The following PLXDC2 variants were observed in gnomAD, a reference collection of about 807,000 sequenced individuals.
PLXDC2 encodes plexin domain containing 2, also known as plexin domain-containing protein 2.
In PLXDC2, 40 loss-of-function variants were observed where a neutral mutation model predicts 68.9. The ratio of observed to expected loss-of-function variants is 0.58; its 90% confidence interval spans 0.45 to 0.76. PLXDC2 has a LOEUF of 0.76. Ranked by LOEUF, PLXDC2 falls within the 30% of genes least tolerant of loss-of-function variation. The pLI, the probability that PLXDC2 is intolerant of heterozygous loss-of-function variation, is 0.00. For missense variants in PLXDC2, 644 were observed against 661.9 expected (o/e 0.97, Z 0.30); for synonymous variants, 243 against 234.2 (o/e 1.04, Z -0.34).
At chr10:20,159,884 A>G (rs188493088) in intron 6 of PLXDC2, among the ~76,000 whole-genome samples, 3 of 152,250 alleles carry the variant, frequency 2.0e-5, no homozygotes, top group Admixed American at 6.5e-5. Context: ...TCACCTTCTC[A>G]GAGAGAGCTT....
chr10:19,883,393 A>T (rs1564618400), intron 1 of PLXDC2, among the ~76,000 whole-genome samples: 1 of 152,098 alleles, frequency 6.6e-6, no homozygotes, highest in Non-Finnish European at 1.5e-5. Context: ...TCAAAACTCC[A>T]CCCTCTTCTT....
At chr10:20,014,961 T>C (rs1378026093) in intron 2 of PLXDC2, among the ~76,000 whole-genome samples, 1 of 152,200 alleles carries the variant, frequency 6.6e-6, no homozygotes, top group African/African-American at 2.4e-5. Flanking sequence ...GTGGCACTGT[T>C]CCTCCTGATT....
intron 12 of PLXDC2, among the ~76,000 whole-genome samples, chr10:20,239,297 C>T (rs984651356): frequency 1.3e-5 from 2 of 152,100 alleles, no homozygotes; most frequent in Non-Finnish European, 2.9e-5. Flanking sequence ...TTAATATTCC[C>T]CTAAAGCCTA....
At chr10:19,898,381 C>T (rs932421237) in intron 1 of PLXDC2, among the ~76,000 whole-genome samples, 9 of 152,128 alleles carry the variant, frequency 5.9e-5, no homozygotes, top group Non-Finnish European at 1.2e-4. Context: ...TTCTCTTTCT[C>T]GCGCTGCACT....
intron 1 of PLXDC2, among the ~76,000 whole-genome samples, chr10:19,994,527 A>T (rs544869084): frequency 8.6e-5 from 13 of 151,560 alleles, no homozygotes; most frequent in African/African-American, 3.1e-4. Flanking sequence ...TTTTGCAGTT[A>T]TAGTAGAGAT....
chr10:20,016,378 A>G lies in PLXDC2; in HGVS notation c.324+14392A>G, dbSNP rs528591782. On this transcript the variant is annotated intron_variant, in intron 2 of 13. Coordinates refer to ENST00000377252, the MANE Select transcript of PLXDC2 (RefSeq NM_032812.9). ...AGTAAAACGGAGTCCATGTGACAAG[A>G]AGTAGAACTAGGTTGCTAACAAAAG... 3.3e-5 allele frequency among the ~76,000 whole-genome samples: 5 copies of G among 152,340 alleles called. No individual in the cohort carries two copies. The South Asian group carries it at 1.0e-3, about 32-fold the overall frequency.
At chr10:20,226,097 C>T (rs1412180721) in intron 12 of PLXDC2, among the ~76,000 whole-genome samples, 1 of 152,164 alleles carries the variant, frequency 6.6e-6, no homozygotes, top group Non-Finnish European at 1.5e-5. Flanking sequence ...CTGAAACTAC[C>T]TATTGGTCCA....
At chr10:20,230,545 A>C (rs1456331920) in intron 12 of PLXDC2, among the ~76,000 whole-genome samples, 2 of 151,438 alleles carry the variant, frequency 1.3e-5, no homozygotes, top group Non-Finnish European at 3.0e-5. Flanking sequence ...GGTGGCGTGC[A>C]CTTGTAGTCC....
At chr10:19,880,919 T>C (rs1312257121) in intron 1 of PLXDC2, among the ~76,000 whole-genome samples, 1 of 152,210 alleles carries the variant, frequency 6.6e-6, no homozygotes, top group Non-Finnish European at 1.5e-5. Context: ...TTATCAATTA[T>C]CTCATTTTAA....
intron 1 of PLXDC2, among the ~76,000 whole-genome samples, chr10:19,909,231 T>G (rs912439309): frequency 2.0e-5 from 3 of 152,150 alleles, no homozygotes; most frequent in Admixed American, 1.3e-4. Context: ...TGGTAAATAT[T>G]GTGTGACAAT....
Position 20,217,434 on chromosome 10 carries a change from G to GATGTGTGAGATCTCACAA in PLXDC2, c.1132_1133insTGTGTGAGATCTCACAAA (p.Glu377_Lys378insMetCysGluIleSerGln). On this transcript the variant is annotated inframe_insertion, in exon 11 of 14. Transcript: ENST00000377252. ...TTCTTTTCTCTTACTAGTCAAAAGA[G>GATGTGTGAGATCTCACAA]AAGATGTGTGAGAATACAGAACCAG... is the stretch of plus-strand genomic sequence containing the variant. 2 of 1,609,012 alleles carry GATGTGTGAGATCTCACAA rather than the reference G, an allele frequency of 1.2e-6. No homozygotes were observed. The highest frequency in any genetic ancestry group is 1.7e-6 in the Non-Finnish European group (2 of 1,177,702).
intron 1 of PLXDC2, among the ~76,000 whole-genome samples, chr10:19,976,547 C>T (rs1364494750): frequency 6.6e-6 from 1 of 151,998 alleles, no homozygotes; most frequent in Non-Finnish European, 1.5e-5. Context: ...GAGATCTCTT[C>T]TTTCTCTCTT....
At chr10:19,932,754 A>AT (rs145911344) in intron 1 of PLXDC2, among the ~76,000 whole-genome samples, 37,673 of 152,032 alleles carry the variant, frequency 0.25, 5,311 homozygotes, top group Middle Eastern at 0.36. Flanking sequence ...GGGAATTAAA[A>AT]AAACCACATT....
At chr10:20,252,442 A>G (rs547353047) in intron 13 of PLXDC2, among the ~76,000 whole-genome samples, 29 of 152,344 alleles carry the variant, frequency 1.9e-4, no homozygotes, top group African/African-American at 7.0e-4. Flanking sequence ...AATGGACACT[A>G]GACACTTTTA....
chr10:19,936,963 C>T (rs1476261540), intron 1 of PLXDC2, among the ~76,000 whole-genome samples: 2 of 152,154 alleles, frequency 1.3e-5, no homozygotes, highest in East Asian at 3.9e-4. Context: ...TGGCAGATAT[C>T]GAGAGCTCAT....
chr10:20,271,132 GACACAC>G (rs55677642), intron 13 of PLXDC2, among the ~76,000 whole-genome samples: 7 of 97,746 alleles, frequency 7.2e-5, no homozygotes, highest in South Asian at 4.1e-4. Flanking sequence ...ACAAAAAACA[GACACAC>G]ACACACACAC....
intron 1 of PLXDC2, among the ~76,000 whole-genome samples, chr10:19,845,912 T>G (rs1295399073): frequency 6.6e-6 from 1 of 152,146 alleles, no homozygotes; most frequent in African/African-American, 2.4e-5. Flanking sequence ...GATTTAAAGC[T>G]GTTTCCTCCT....
At chr10:20,244,430 T>C (rs543601478) in intron 12 of PLXDC2, among the ~76,000 whole-genome samples, 2 of 152,210 alleles carry the variant, frequency 1.3e-5, no homozygotes, top group Non-Finnish European at 2.9e-5. Context: ...GAGGAAATTA[T>C]ATTGTTCTGG....
chr10:19,960,897 G>T lies in PLXDC2; in HGVS notation c.113-40878G>T, dbSNP rs930085216. 3.3e-5 allele frequency among the ~76,000 whole-genome samples: 5 copies of T among 152,190 alleles called. No individual in the cohort carries two copies. In the South Asian group the frequency reaches 1.0e-3, roughly 32 times the overall value. On this transcript the variant is annotated intron_variant, in intron 1 of 13. Coordinates refer to ENST00000377252, the MANE Select transcript of PLXDC2 (RefSeq NM_032812.9). ...ATAGCTTGCTGTCCCTGGAAACTAA[G>T]AATATAAAATCAATGGAGGCTTAAG...
Sources: allele counts gnomAD v4.1 joint callset (sites outside exome capture counted in the v4.1 genomes callset), GRCh38; gene constraint gnomAD v4.1.1; transcripts MANE v1.5; gene names NCBI Gene and HGNC (gene_info 2026-07-23, HGNC 2026-07-21).